ROBO2: variants seen among roughly 807,000 people sequenced by gnomAD.
The protein encoded by ROBO2 is roundabout guidance receptor 2, also known as roundabout homolog 2.
In ROBO2, 53 loss-of-function variants were observed where a neutral mutation model predicts 160.8. The observed-to-expected ratio is 0.33, with a 90% CI of 0.26 to 0.41. The LOEUF (loss-of-function observed/expected upper bound fraction) is 0.41. Ranked by LOEUF, ROBO2 falls within the 10% of genes least tolerant of loss-of-function variation. The probability of loss-of-function intolerance (pLI) is 1.00; values close to 1 mark genes in which losing one functional copy is unlikely to be tolerated. For missense variants in ROBO2, 1,577 were observed against 1,722.4 expected, an observed-to-expected ratio of 0.92 and a Z score of 1.49; for synonymous variants, 664 against 611.7, an observed-to-expected ratio of 1.09 and a Z score of -1.26.
chr3:76,213,671 A>G (rs1314472914), intron 2 of ROBO2, among the ~76,000 whole-genome samples: 1 of 152,214 alleles, frequency 6.6e-6, no homozygotes, highest in African/African-American at 2.4e-5. Context: ...TGGAAAAACA[A>G]TGCACATAAA....
rs77271230 is a variant in ROBO2, at chr3:77,517,907, C to T, written c.807-4868C>T. Among the ~76,000 whole-genome samples, 1,423 of 151,480 alleles carry T rather than the reference C, an allele frequency of 9.4e-3. 15 individuals carry two copies. Among genetic ancestry groups the T allele is most frequent in the African/African-American group, 0.03 (1,257 of 41,402 alleles). On this transcript the variant is annotated intron_variant, in intron 5 of 25. Coordinates refer to ENST00000461745, the Ensembl canonical transcript of ROBO2. ...CGTGTAGTGTATTTGTAGTTCAGTG[C>T]CATCTGTGGCTTCAGGCATCTACTA...
intron 2 of ROBO2, among the ~76,000 whole-genome samples, chr3:76,293,345 G>T (rs948286543): frequency 3.9e-5 from 6 of 152,190 alleles, no homozygotes; most frequent in Non-Finnish European, 8.8e-5. Context: ...TGATGGAGAG[G>T]CACAGGCAGG....
intron 2 of ROBO2, among the ~76,000 whole-genome samples, chr3:75,996,631 T>A (rs1303560556): frequency 6.6e-6 from 1 of 152,214 alleles, no homozygotes; most frequent in Non-Finnish European, 1.5e-5. Context: ...GTATTTGTAA[T>A]TACTTGATTA....
intron 2 of ROBO2, among the ~76,000 whole-genome samples, chr3:76,992,051 G>C (rs554232780): frequency 6.6e-6 from 1 of 152,102 alleles, no homozygotes; most frequent in East Asian, 1.9e-4. Flanking sequence ...TTCTGAATGT[G>C]AAATGTATGC....
intron 2 of ROBO2, among the ~76,000 whole-genome samples, chr3:76,069,619 A>G (rs1248839329): frequency 1.1e-5 from 1 of 91,378 alleles, no homozygotes; most frequent in African/African-American, 5.5e-5. Flanking sequence ...AAAAATACCT[A>G]CACTTTTTTT....
intron 2 of ROBO2, among the ~76,000 whole-genome samples, chr3:77,232,824 A>G (rs892985171): frequency 2.0e-5 from 3 of 152,190 alleles, no homozygotes; most frequent in African/African-American, 7.2e-5. Flanking sequence ...TGTCCTGCCC[A>G]TGATTGCCTT....
At chr3:76,326,910 G>A (rs971733905) in intron 2 of ROBO2, among the ~76,000 whole-genome samples, 8 of 151,294 alleles carry the variant, frequency 5.3e-5, no homozygotes, top group African/African-American at 1.9e-4. Flanking sequence ...GAGAATGATG[G>A]TTTCCAATTT....
At chr3:76,398,770 A>T (rs915107103) in intron 2 of ROBO2, among the ~76,000 whole-genome samples, 1 of 151,848 alleles carries the variant, frequency 6.6e-6, no homozygotes, top group Non-Finnish European at 1.5e-5. Context: ...ATATTCTATT[A>T]GTTTAGCATA....
intron 2 of ROBO2, among the ~76,000 whole-genome samples, chr3:76,488,769 A>C (rs879355499): frequency 2.6e-5 from 4 of 152,042 alleles, no homozygotes; most frequent in Admixed American, 6.6e-5. Context: ...CACACACACA[A>C]AAAAGGGTGT....
At chr3:76,129,140 C>T (rs2071122215) in intron 2 of ROBO2, among the ~76,000 whole-genome samples, 1 of 151,718 alleles carries the variant, frequency 6.6e-6, no homozygotes, top group African/African-American at 2.4e-5. Context: ...CCTGCAAGTT[C>T]TGTGACTTTG....
At chr3:77,536,503 G>C (rs571911602) in intron 6 of ROBO2, among the ~76,000 whole-genome samples, 2 of 151,062 alleles carry the variant, frequency 1.3e-5, no homozygotes, top group African/African-American at 4.9e-5. Flanking sequence ...GCTGTAGAAG[G>C]CCAACTGAGT....
chr3:77,505,113 C>T (rs2088279773), intron 5 of ROBO2, among the ~76,000 whole-genome samples: 1 of 152,100 alleles, frequency 6.6e-6, no homozygotes, highest in Non-Finnish European at 1.5e-5. Context: ...ATATGGAATA[C>T]ACCATAAAAT....
intron 2 of ROBO2, among the ~76,000 whole-genome samples, chr3:76,980,028 G>T (rs1023930868): frequency 2.0e-5 from 3 of 152,088 alleles, no homozygotes; most frequent in Non-Finnish European, 4.4e-5. Flanking sequence ...GTTTGGTGAT[G>T]ATACTAGAAG....
chr3:76,621,166 C>A (rs1305252620), intron 2 of ROBO2, among the ~76,000 whole-genome samples: 9 of 149,646 alleles, frequency 6.0e-5, no homozygotes. Context: ...ATAATTCCAG[C>A]TGATCATTTA....
At chr3:77,632,693 G>C (rs1305709616) in intron 23 of ROBO2, 2 of 1,500,624 alleles carry the variant, frequency 1.3e-6, no homozygotes, top group African/African-American at 2.8e-5. Context: ...TTGCATGAGA[G>C]AATCTTGTCC....
intron 2 of ROBO2, among the ~76,000 whole-genome samples, chr3:77,422,904 G>A (rs548368194): frequency 1.3e-5 from 2 of 152,192 alleles, no homozygotes; most frequent in East Asian, 3.9e-4. Flanking sequence ...ATATGCCACT[G>A]GAAAGCAATC....
At position 76,409,791 on chromosome 3, in the gene ROBO2, A is replaced by T. The variant is rs537410254; in HGVS notation, c.109+472189A>T. Among the ~76,000 whole-genome samples, 492 of 152,256 alleles carry T rather than the reference A, an allele frequency of 3.2e-3. 6 individuals carry two copies. Among genetic ancestry groups the T allele is most frequent in the Admixed American group, 0.023 (358 of 15,288 alleles). On this transcript the variant is annotated intron_variant, in intron 2 of 26. Coordinates refer to the ROBO2 transcript ENST00000487694. ...AACCTAAGCATAATAACAACAAAAA[A>T]ATTGGCACAGTGTTCAGATAAGAAT...
chr3:76,309,412 C>T (rs1398259608), intron 2 of ROBO2, among the ~76,000 whole-genome samples: 3 of 152,158 alleles, frequency 2.0e-5, no homozygotes, highest in African/African-American at 7.2e-5. Context: ...TGTTTCTAAA[C>T]TAAGGCACAA....
intron 2 of ROBO2, among the ~76,000 whole-genome samples, chr3:76,700,016 CA>C (rs957321344): frequency 1.3e-5 from 2 of 151,558 alleles, no homozygotes; most frequent in Non-Finnish European, 2.9e-5. Context: ...AGAAAAATAG[CA>C]AAAAAAACCC....
Sources: allele counts gnomAD v4.1 joint callset (sites outside exome capture counted in the v4.1 genomes callset), GRCh38; gene constraint gnomAD v4.1.1; transcripts MANE v1.5; gene names NCBI Gene and HGNC (gene_info 2026-07-23, HGNC 2026-07-21).